The following PRRC2A variants were observed in gnomAD, a reference collection of about 807,000 sequenced individuals.
PRRC2A encodes proline rich coiled-coil 2A, also known as protein PRRC2A.
In PRRC2A, 59 loss-of-function variants were observed where a neutral mutation model predicts 224.6. The observed-to-expected ratio is 0.26, with a 90% confidence interval of 0.21 to 0.33. PRRC2A has a LOEUF of 0.33. Ranked by LOEUF, PRRC2A falls within the 10% of genes least tolerant of loss-of-function variation. The pLI is 1.00. For synonymous variants in PRRC2A, 1,194 were observed against 1,109.5 expected, an observed-to-expected ratio of 1.08 and a Z score of -1.51; for missense variants, 3,095 against 2,880.7, an observed-to-expected ratio of 1.07 and a Z score of -1.70.
At chr6:31,628,910 A>G in intron 12 of PRRC2A, 1 of 530,764 alleles carries the variant, frequency 1.9e-6, no homozygotes, top group Non-Finnish European at 3.3e-6. Flanking sequence ...GCCAAGACTG[A>G]AGAAAGTACT....
Position 31,627,810 on chromosome 6 carries a change from G to A in PRRC2A, c.1336G>A (p.Asp446Asn). ...CAAGCCCCCAGCACCTGAAGATGAG[G>A]ATGAGGCATGGCGGCAGCGACGAAA... ...PCKPPAPEDE[D>N]EAWRQRRKQS... Residue 446 changes from aspartate to asparagine, a missense_variant, in exon 12 of 31, where the codon GAT becomes AAT. Around this residue, in one of 8 missense-constraint regions of PRRC2A, gnomAD observed 2,001 missense variants for 1,764.9 expected, o/e 1.13. Coordinates refer to ENST00000376033, the MANE Select transcript of PRRC2A (RefSeq NM_004638.4). The surrounding 1 kb of genome is among the most constrained non-coding windows in gnomAD (Gnocchi z 5.6). 6.2e-7 allele frequency: 1 copy of A among 1,613,074 alleles called. No individual in the cohort carries two copies. The highest frequency in any genetic ancestry group is 8.5e-7 in the Non-Finnish European group (1 of 1,180,032).
At position 31,625,143 on chromosome 6, in the gene PRRC2A, C is replaced by T; in HGVS notation, c.464-28C>T. The T allele has an allele frequency of 6.2e-7, 1 of 1,602,732 alleles. No homozygotes were observed. On this transcript the variant is annotated intron_variant, in intron 5 of 30. Coordinates refer to ENST00000376033, the MANE Select transcript of PRRC2A (RefSeq NM_004638.4). The surrounding 1 kb of genome is among the most constrained non-coding windows in gnomAD (Gnocchi z 4.1). ...CATGTCCTCAGGAAATGTCTTCTGT[C>T]TCCTGTTCTGCATCCCCATCCTAAT...
chr6:31,633,190 A>G (rs1429127554), intron 16 of PRRC2A, among the ~76,000 whole-genome samples, 189 bp from the exon 17 acceptor site: 2 of 152,304 alleles, frequency 1.3e-5, no homozygotes, highest in South Asian at 2.1e-4. Flanking sequence ...ACACCCACCT[A>G]TGTATTCATT....
intron 9 of PRRC2A, 94 bp from the exon 10 acceptor site, chr6:31,626,678 G>C: frequency 9.2e-7 from 1 of 1,086,506 alleles, no homozygotes; most frequent in South Asian, 1.5e-5. Context: ...AAGGATATTG[G>C]CATTGGTAGT....
chr6:31,633,700 G>A, intron 17 of PRRC2A, 53 bp downstream of exon 17: 1 of 1,559,868 alleles, frequency 6.4e-7, no homozygotes, highest in South Asian at 1.2e-5. Context: ...AGAAGGTCAA[G>A]TGCTGGAGGG....
chr6:31,634,688 G>A, intron 20 of PRRC2A, 65 bp from the exon 21 acceptor site: 2 of 1,564,538 alleles, frequency 1.3e-6, no homozygotes, highest in Non-Finnish European at 8.8e-7. Flanking sequence ...TTGTATGTGT[G>A]CATCAGTCAG....
At position 31,633,261 on chromosome 6, in the gene PRRC2A, A is replaced by G. The variant is rs763641375; in HGVS notation, c.4320-118A>G. On this transcript the variant is annotated intron_variant, in intron 16 of 30. Transcript: ENST00000376033. The stretch of plus-strand genomic sequence containing the variant: ...GCATAGGAATCCTTAGAAGGACTCA[A>G]AAACACCTGGACTTTAATAGGGAAG... The G allele has an allele frequency of 1.4e-5, 21 of 1,454,748 alleles. No individual in the cohort carries two copies. In the Admixed American group the frequency reaches 1.7e-4, roughly 12 times the overall value. The allele number at this position is 1,454,748 out of a possible 1,614,324, so 90.1% of individuals were successfully genotyped here. A position where few individuals can be genotyped will look rare whatever the true frequency, so the allele number is the denominator to read the frequency against.
chr6:31,625,687 C>T lies in PRRC2A; in HGVS notation c.759+76C>T, dbSNP rs1333978099. The T allele has an allele frequency of 6.3e-6, 10 of 1,593,370 alleles. No homozygotes were observed. The highest frequency in any genetic ancestry group is 2.2e-5 in the East Asian group (1 of 44,768). On this transcript the variant is annotated intron_variant, in intron 7 of 30. Transcript: ENST00000376033. The surrounding 1 kb of genome is among the most constrained non-coding windows in gnomAD (Gnocchi z 4.1). ...TAGGAATCAGGACTTAGTCTTTGACCTATGAGATAGAAGGGAGGGTGGGAG... is the reference window on the plus strand; with the variant it reads ...TAGGAATCAGGACTTAGTCTTTGACTTATGAGATAGAAGGGAGGGTGGGAG...
At position 31,632,544 on chromosome 6, in the gene PRRC2A, A is replaced by T; in HGVS notation, c.3871A>T (p.Thr1291Ser). 1 of 1,611,288 alleles carries T rather than the reference A, an allele frequency of 6.2e-7. No homozygotes were observed. The highest frequency in any genetic ancestry group is 1.1e-5 in the South Asian group (1 of 90,938). ...CGCTCCTGGACCTGAGGAGGCCCTC[A>T]CAACAGTCACAGTGGCCCCAGCACC... ...ASAPGPEEAL[T>S]TVTVAPAPRR... Residue 1291 changes from threonine (T) to serine (S), a missense_variant, in exon 16 of 31, where the codon ACA (threonine) becomes TCA (serine). By Grantham distance (58) the Thr-to-Ser change is moderately conservative. Coordinates refer to ENST00000376033, the MANE Select transcript of PRRC2A (RefSeq NM_004638.4).
chr6:31,628,346 T>A, intron 12 of PRRC2A, 107 bp downstream of exon 12: 1 of 1,441,874 alleles, frequency 6.9e-7, no homozygotes, highest in Non-Finnish European at 9.1e-7. Context: ...GGCAGTTGTT[T>A]TGGTTTATTG....
rs1182388215 is a variant in PRRC2A, at chr6:31,636,934, G to C, written c.6136G>C (p.Gly2046Arg). 1.2e-6 allele frequency: 2 copies of C among 1,612,752 alleles called. No individual in the cohort carries two copies. The highest frequency in any genetic ancestry group is 1.7e-6 in the Non-Finnish European group (2 of 1,179,940). The change falls in exon 28 of 31, where the codon GGG (glycine) becomes CGG (arginine). Residue 2046 changes from glycine to arginine, a missense_variant. Around this residue, in one of 8 missense-constraint regions of PRRC2A, gnomAD observed 662 missense variants for 609.5 expected, o/e 1.09. Transcript: ENST00000376033. This position sits in a 1 kb window ranked among gnomAD's most constrained non-coding sequence, Gnocchi z 4.3. ...TGCCAGGCCCTTCCCCGCTAGCTTGGGGCGAGCAGAGGTAAGGTACAGGAA... is the reference window on the plus strand; with the variant it reads ...TGCCAGGCCCTTCCCCGCTAGCTTGCGGCGAGCAGAGGTAAGGTACAGGAA... ...SPARPFPASL[G>R]RAELHPVELK...
Position 31,627,020 on chromosome 6 carries a change from C to T in PRRC2A, c.1112C>T (p.Pro371Leu). Residue 371 changes from proline (P) to leucine (L), a missense_variant, in exon 11 of 31, where the codon CCT becomes CTT. Pro to Leu is a moderately conservative substitution (Grantham distance 98). Transcript: ENST00000376033. The surrounding 1 kb of genome is among the most constrained non-coding windows in gnomAD (Gnocchi z 5.6). ...TCAGCTTCTGGTGAGGAACGGCCCC[C>T]TGAAGCAGATGGCAAAAAGGGCAAC... Reference protein sequence around the residue: ...SQSASGEERPPEADGKKGNSP... With the variant: ...SQSASGEERPLEADGKKGNSP... 2 of 1,614,210 alleles carry T rather than the reference C, an allele frequency of 1.2e-6. No individual in the cohort carries two copies. The highest frequency in any genetic ancestry group is 1.3e-5 in the African/African-American group (1 of 75,048).
chr6:31,633,749 G>C, intron 17 of PRRC2A, 102 bp downstream of exon 17: 1 of 1,528,616 alleles, frequency 6.5e-7, no homozygotes, highest in Non-Finnish European at 8.8e-7. Context: ...CTGCTGCTGG[G>C]TGCGTTTCTG....
In PRRC2A at chr6:31,632,110, C is replaced by A; in HGVS notation, c.3437C>A (p.Pro1146His). ...GCTCCCCCACCACCAGGAGCCCCAC[C>A]TTCACCAGCCCCAGCCCGCTTCACT... ...PLAPPPPGAP[P>H]SPAPARFTAR... Residue 1146 changes from proline (P) to histidine (H), a missense_variant, in exon 16 of 31, where the codon CCT (proline) becomes CAT (histidine). Pro to His is a moderately conservative substitution (Grantham distance 77). This residue lies in a region of PRRC2A where 2,001 missense variants were observed against 1,764.9 expected (regional missense o/e 1.13). Coordinates refer to ENST00000376033, the MANE Select transcript of PRRC2A (RefSeq NM_004638.4). 1 of 1,552,784 alleles carries A rather than the reference C, an allele frequency of 6.4e-7. No homozygotes were observed. Among genetic ancestry groups the A allele is most frequent in the Non-Finnish European group, 8.7e-7 (1 of 1,148,858 alleles).
chr6:31,629,538 C>G lies in PRRC2A; in HGVS notation c.1957-10C>G. ...GAGCCTCTCTCATCTTGTCTTTCCT[C>G]CTTTCCTAGGAGCAGCTCCTGAAGC... On this transcript the variant is annotated splice_polypyrimidine_tract_variant and intron_variant, in intron 13 of 30. Coordinates refer to ENST00000376033, the MANE Select transcript of PRRC2A (RefSeq NM_004638.4). The G allele has an allele frequency of 1.3e-6, 2 of 1,523,104 alleles. No individual in the cohort carries two copies. Among genetic ancestry groups the G allele is most frequent in the East Asian group, 2.3e-5 (1 of 44,428 alleles). 94.3% of individuals were successfully genotyped at this position (1,523,104 alleles called of 1,614,324 possible).
chr6:31,627,092 C>T lies in PRRC2A; in HGVS notation c.1184C>T (p.Thr395Ile), dbSNP rs761194411. The T allele has an allele frequency of 2.5e-6, 4 of 1,614,134 alleles. No homozygotes were observed. Among genetic ancestry groups the T allele is most frequent in the South Asian group, 1.1e-5 (1 of 91,082 alleles). Residue 395 changes from threonine to isoleucine, a missense_variant, in exon 11 of 31, where the codon ACC (threonine) becomes ATC (isoleucine). Thr to Ile is a moderately conservative substitution (Grantham distance 89). This residue lies in a region of PRRC2A where 2,001 missense variants were observed against 1,764.9 expected (regional missense o/e 1.13). Coordinates refer to ENST00000376033, the MANE Select transcript of PRRC2A (RefSeq NM_004638.4). This position sits in a 1 kb window ranked among gnomAD's most constrained non-coding sequence, Gnocchi z 5.6. ...PPTPKTAWAE[T>I]SRPPETEPGP... ...ACTCCTAAGACGGCCTGGGCAGAAA[C>T]CTCTCGGCCTCCAGAGACAGAGCCG...
rs1408635507 is a variant in PRRC2A at position 31,636,678 on chromosome 6, G to A, written c.5935-55G>A. On this transcript the variant is annotated intron_variant, in intron 27 of 30. Coordinates refer to ENST00000376033, the MANE Select transcript of PRRC2A (RefSeq NM_004638.4). The surrounding 1 kb of genome is among the most constrained non-coding windows in gnomAD (Gnocchi z 4.3). ...CAGTTGCTGGCTTTGATTTTCCCTGGTTTTCTGACATTCCTCCCTGCCCCC... is the reference window on the plus strand; with the variant it reads ...CAGTTGCTGGCTTTGATTTTCCCTGATTTTCTGACATTCCTCCCTGCCCCC... 6.3e-7 allele frequency: 1 copy of A among 1,596,342 alleles called. No homozygotes were observed. The highest frequency in any genetic ancestry group is 1.3e-5 in the African/African-American group (1 of 74,640).
In PRRC2A at chr6:31,626,962, C is replaced by A. The variant is rs1055394306; in HGVS notation, c.1074-20C>A. 2 of 1,613,784 alleles carry A rather than the reference C, an allele frequency of 1.2e-6. No individual in the cohort carries two copies. Among genetic ancestry groups the A allele is most frequent in the African/African-American group, 2.7e-5 (2 of 74,900 alleles). ...TATTAGTTGCAGCTGATTTTAATTT[C>A]ACTGTTGATCTGCTCACAGCAGGGA... On this transcript the variant is annotated intron_variant, in intron 10 of 30. Coordinates refer to ENST00000376033, the MANE Select transcript of PRRC2A (RefSeq NM_004638.4).
Position 31,625,278 on chromosome 6 carries a change from C to T in PRRC2A, c.571C>T (p.Gln191Ter). The change falls in exon 6 of 31, where the codon CAG becomes TAG. Residue 191 changes from glutamine (Q) to a stop codon, truncating the protein, a stop_gained. Coordinates refer to ENST00000376033, the MANE Select transcript of PRRC2A (RefSeq NM_004638.4). LOFTEE classifies it high-confidence loss of function. This position sits in a 1 kb window ranked among gnomAD's most constrained non-coding sequence, Gnocchi z 4.1. ...TGCCAAGGAAAGGGAGTCTGCCGAA[C>T]AGTCGTCTGGGCCCGGACCAAGCCT... ...KAAKERESAEQSSGPGPSLRP... is the reference protein window; with the variant it reads ...KAAKERESAE 6.2e-7 allele frequency: 1 copy of T among 1,613,426 alleles called. No individual in the cohort carries two copies. The highest frequency in any genetic ancestry group is 8.5e-7 in the Non-Finnish European group (1 of 1,180,038).
Sources: allele counts gnomAD v4.1 joint callset (sites outside exome capture counted in the v4.1 genomes callset), GRCh38; gene constraint gnomAD v4.1.1; regional missense constraint gnomAD v4.1.1; non-coding constraint Gnocchi (gnomAD v3.1); transcripts MANE v1.5; gene names NCBI Gene and HGNC (gene_info 2026-07-23, HGNC 2026-07-21).